SERINC5: variants seen among roughly 807,000 people sequenced by gnomAD.
SERINC5 encodes the protein chromosome 5 open reading frame 12.
SERINC5 carries 41 observed loss-of-function variants against 63.1 expected under a neutral mutation model. That is an observed-to-expected ratio of 0.65 (90% CI 0.51 to 0.84). The LOEUF (loss-of-function observed/expected upper bound fraction) is 0.84, where lower values mean the gene tolerates loss of function less well. Among genes scored for constraint, SERINC5 ranks in the 40% least tolerant of loss-of-function variants. SERINC5 has a pLI of 0.00. For missense variants in SERINC5, 523 were observed against 573.0 expected, an observed-to-expected ratio of 0.91 and a Z score of 0.89; for synonymous variants, 222 against 215.2, an observed-to-expected ratio of 1.03 and a Z score of -0.28.
intron 2 of SERINC5, among the ~76,000 whole-genome samples, chr5:80,178,956 T>A (rs913200756): frequency 9.2e-5 from 14 of 152,188 alleles, no homozygotes; most frequent in South Asian, 8.3e-4. Flanking sequence ...TAAAACAGCT[T>A]TTTAAAATAA....
chr5:80,240,696 C>T (rs1053046991), intron 1 of SERINC5, among the ~76,000 whole-genome samples: 1 of 152,124 alleles, frequency 6.6e-6, no homozygotes, highest in African/African-American at 2.4e-5. Flanking sequence ...AACAGGTATC[C>T]CTCTGCTGCC....
intron 11 of SERINC5, among the ~76,000 whole-genome samples, chr5:80,131,734 A>T (rs747743437): frequency 6.4e-4 from 97 of 152,296 alleles, no homozygotes; most frequent in Non-Finnish European, 8.2e-4. Context: ...GTTTCCAAAG[A>T]TGGCAGCAGA....
intron 11 of SERINC5, among the ~76,000 whole-genome samples, chr5:80,131,068 G>A (rs1297321093): frequency 6.6e-6 from 1 of 152,164 alleles, no homozygotes; most frequent in Non-Finnish European, 1.5e-5. Flanking sequence ...CATATTTGAG[G>A]AAGAGTGTGA....
At chr5:80,193,171 A>T (rs1213656626) in intron 2 of SERINC5, among the ~76,000 whole-genome samples, 1 of 152,242 alleles carries the variant, frequency 6.6e-6, no homozygotes, top group African/African-American at 2.4e-5. Flanking sequence ...TTACAGTTTA[A>T]TCAAGTCACA....
intron 2 of SERINC5, among the ~76,000 whole-genome samples, chr5:80,181,463 A>G (rs1252125675): frequency 8.1e-6 from 1 of 124,044 alleles, no homozygotes; most frequent in Non-Finnish European, 1.7e-5. Context: ...GTGTTTCACC[A>G]TGTTGACCAA....
At chr5:80,152,602 A>G (rs1746259626) in intron 8 of SERINC5, among the ~76,000 whole-genome samples, 1 of 152,196 alleles carries the variant, frequency 6.6e-6, no homozygotes, top group Non-Finnish European at 1.5e-5. Flanking sequence ...AGAAGAGATC[A>G]CTATCTGAAA....
chr5:80,243,269 T>C (rs1752026418), intron 1 of SERINC5, among the ~76,000 whole-genome samples: 1 of 152,198 alleles, frequency 6.6e-6, no homozygotes, highest in African/African-American at 2.4e-5. Context: ...GTTGGCTTCC[T>C]ACACTGAACC....
chr5:80,220,729 G>A (rs1287594249), intron 1 of SERINC5, among the ~76,000 whole-genome samples: 2 of 152,058 alleles, frequency 1.3e-5, no homozygotes, highest in African/African-American at 4.8e-5. Flanking sequence ...GAATCTGAGG[G>A]CTCCAGACAG....
rs915425171 is a variant in SERINC5, at chr5:80,224,632, CT to C, written c.28-21580del. On this transcript the variant is annotated intron_variant, in intron 1 of 11. Transcript: ENST00000507668. ...TCTTGAAAAGTGTATAAAAACACAA[CT>C]TTTTTTTTTAAAGACGGAATTTCCC... 1.1e-4 allele frequency among the ~76,000 whole-genome samples: 16 copies of C among 149,712 alleles called. 1 individual carries two copies. The highest frequency in any genetic ancestry group is 6.7e-4 in the Admixed American group (10 of 14,910).
intron 1 of SERINC5, among the ~76,000 whole-genome samples, chr5:80,224,144 A>AG (rs1554070243): frequency 3.3e-5 from 5 of 149,970 alleles, no homozygotes; most frequent in Middle Eastern, 6.9e-3. Flanking sequence ...AAAAAAAAAA[A>AG]AAAAAGAAAA....
At chr5:80,171,708 A>G (rs1747667382) in intron 5 of SERINC5, among the ~76,000 whole-genome samples, 1 of 152,090 alleles carries the variant, frequency 6.6e-6, no homozygotes, top group Admixed American at 6.6e-5. Context: ...TACAAAAACC[A>G]AAAACCAAAC....
At chr5:80,205,995 A>AAAAAC in intron 1 of SERINC5, among the ~76,000 whole-genome samples, 1 of 148,998 alleles carries the variant, frequency 6.7e-6, no homozygotes, top group Non-Finnish European at 1.5e-5. Context: ...AAAAAAAAAA[A>AAAAAC]CCTCAAGACT....
At chr5:80,206,766 G>T (rs1284780474) in intron 1 of SERINC5, among the ~76,000 whole-genome samples, 1 of 148,786 alleles carries the variant, frequency 6.7e-6, no homozygotes, top group Non-Finnish European at 1.5e-5. Flanking sequence ...TTTTCTCTGG[G>T]TCCTGCCTCC....
chr5:80,118,414 C>T (rs1744415120), intron 11 of SERINC5, among the ~76,000 whole-genome samples: 1 of 152,186 alleles, frequency 6.6e-6, no homozygotes, highest in East Asian at 1.9e-4. Flanking sequence ...ATTTATTTCT[C>T]ACAGTTCTGG....
chr5:80,209,446 G>C (rs758074120), intron 1 of SERINC5, among the ~76,000 whole-genome samples: 2 of 152,172 alleles, frequency 1.3e-5, no homozygotes, highest in Non-Finnish European at 2.9e-5. Flanking sequence ...CCTTGCTCTT[G>C]GACTTCTGGC....
At chr5:80,246,651 C>G (rs1486741025) in intron 1 of SERINC5, among the ~76,000 whole-genome samples, 1 of 152,162 alleles carries the variant, frequency 6.6e-6, no homozygotes, top group Non-Finnish European at 1.5e-5. Flanking sequence ...AGGCAAACTA[C>G]GGAAGAAAAG....
At chr5:80,238,053 G>A (rs1336315207) in intron 1 of SERINC5, among the ~76,000 whole-genome samples, 2 of 141,418 alleles carry the variant, frequency 1.4e-5, no homozygotes, top group Non-Finnish European at 3.0e-5. Context: ...GCAGTGAGCA[G>A]AGATCGCACC....
chr5:80,218,161 A>C (rs778400871), intron 1 of SERINC5, among the ~76,000 whole-genome samples: 20 of 152,224 alleles, frequency 1.3e-4, no homozygotes, highest in Non-Finnish European at 2.8e-4. Flanking sequence ...AGTGTCTCAG[A>C]GTCTAATACA....
At position 80,238,702 on chromosome 5, in the gene SERINC5, A is replaced by C. The variant is rs183721065; in HGVS notation, c.27+17194T>G. On this transcript the variant is annotated intron_variant, in intron 1 of 11. Coordinates refer to ENST00000507668, the MANE Select transcript of SERINC5 (RefSeq NM_001174072.3). ...GAGGCTGAGGCAGGAGAATAGCTTG[A>C]ACCCTGGAGACAGAGGGTAGAGGTT... 4.6e-4 allele frequency among the ~76,000 whole-genome samples: 70 copies of C among 150,802 alleles called. 1 individual carries two copies. The highest frequency in any genetic ancestry group is 9.0e-4 in the Non-Finnish European group (61 of 67,784).
Sources: allele counts gnomAD v4.1 joint callset (sites outside exome capture counted in the v4.1 genomes callset), GRCh38; gene constraint gnomAD v4.1.1; transcripts MANE v1.5; gene names NCBI Gene and HGNC (gene_info 2026-07-23, HGNC 2026-07-21).